The following SERPINF2 variants were observed in gnomAD, a reference collection of about 807,000 sequenced individuals.
The protein encoded by SERPINF2 is alpha-2-antiplasmin.
SERPINF2 carries 15 observed loss-of-function variants against 45.0 expected under a neutral mutation model. That is an observed-to-expected ratio of 0.33 (90% CI 0.22 to 0.51). The LOEUF (loss-of-function observed/expected upper bound fraction) is 0.51. SERPINF2 is among the 20% of genes least tolerant of loss of function. The pLI is 0.97. For missense variants in SERPINF2, 518 were observed against 637.4 expected (o/e 0.81, Z 2.02); for synonymous variants, 283 against 277.9 (o/e 1.02, Z -0.18).
rs1385619776 is a variant in SERPINF2 at position 1,754,569 on chromosome 17, G to T, written c.*35G>T. ...GCTGTGGCATCCAGAGTCCCTGCCT[G>T]GACCAGCCTCTCCACTCATGTGACT... On this transcript the variant is annotated 3_prime_UTR_variant, in exon 10 of 10. Coordinates refer to ENST00000453066, the MANE Select transcript of SERPINF2 (RefSeq NM_000934.4). 10 of 1,594,962 alleles carry T rather than the reference G, an allele frequency of 6.3e-6. No homozygotes were observed. Among genetic ancestry groups the T allele is most frequent in the Non-Finnish European group, 8.5e-6 (10 of 1,176,844 alleles).
Position 1,747,478 on chromosome 17 carries a change from C to T in SERPINF2, c.681C>T (p.Thr227=), listed in dbSNP as rs553862155. Residue 227 remains threonine, a synonymous_variant, in exon 7 of 10, where the codon ACC becomes ACT. Coordinates refer to ENST00000453066, the MANE Select transcript of SERPINF2 (RefSeq NM_000934.4). The stretch of plus-strand genomic sequence containing the variant: ...TCCTCTCTGGGCTGCCGGAAGACAC[C>T]GTGTTGCTTCTCCTCAACGCCATCC... ...QEFLSGLPED[T]VLLLLNAIHF... The T allele has an allele frequency of 6.2e-6, 10 of 1,614,088 alleles. No homozygotes were observed. The highest frequency in any genetic ancestry group is 2.7e-5 in the African/African-American group (2 of 75,072).
chr17:1,746,951 G>A lies in SERPINF2; in HGVS notation c.368-68G>A. The stretch of plus-strand genomic sequence containing the variant: ...GTCCTCGTCACGGGTATCCAGGAGG[G>A]ACTGGAGTGGGCAGTGGGGGTGAGA... On this transcript the variant is annotated intron_variant, in intron 5 of 9. Transcript: ENST00000453066. 9 of 1,573,328 alleles carry A rather than the reference G, an allele frequency of 5.7e-6. No individual in the cohort carries two copies. The South Asian group carries it at 1.0e-4, about 18-fold the overall frequency.
rs1413768669 is a variant in SERPINF2, at chr17:1,754,744, A to G, written c.*210A>G. On this transcript the variant is annotated 3_prime_UTR_variant, in exon 10 of 10. Transcript: ENST00000453066. ...TCGGGGAGCCGGGAGCCTGACCCTC[A>G]TCTTTCTTCCAAACAGGCTCAGAGG... The G allele has an allele frequency of 1.6e-6, 1 of 627,774 alleles. No homozygotes were observed. The highest frequency in any genetic ancestry group is 2.7e-6 in the Non-Finnish European group (1 of 369,934). 38.9% of individuals were successfully genotyped at this position (627,774 alleles called of 1,614,324 possible).
rs928202603 is a variant in SERPINF2 at position 1,748,479 on chromosome 17, G to T, written c.716-119G>T. Reference sequence around the variant, plus strand: ...TGTCTCATCCTTGAATGGATTCTGGGTGGGACAGGCAACGGGCTGGGGGTG... The same window carrying T: ...TGTCTCATCCTTGAATGGATTCTGGTTGGGACAGGCAACGGGCTGGGGGTG... On this transcript the variant is annotated intron_variant, in intron 7 of 9. Coordinates refer to ENST00000453066, the MANE Select transcript of SERPINF2 (RefSeq NM_000934.4). The T allele has an allele frequency of 4.6e-6, 6 of 1,306,232 alleles. No individual in the cohort carries two copies. In the African/African-American group the frequency reaches 8.7e-5, roughly 19 times the overall value. 80.9% of individuals were successfully genotyped at this position (1,306,232 alleles called of 1,614,324 possible).
chr17:1,752,514 C>A, intron 8 of SERPINF2, 72 bp from the exon 9 acceptor site: 1 of 1,389,514 alleles, frequency 7.2e-7, no homozygotes. Flanking sequence ...GCCTTAGGAG[C>A]ACCTGCTGGC....
At chr17:1,743,972 C>T (rs1416354296) in intron 1 of SERPINF2, among the ~76,000 whole-genome samples, 1 of 151,140 alleles carries the variant, frequency 6.6e-6, no homozygotes, top group Non-Finnish European at 1.5e-5. Flanking sequence ...TCTCGGCTCA[C>T]TGCAACCTCC....
In SERPINF2 at chr17:1,745,240, G is replaced by C. The variant is rs777059312; in HGVS notation, c.102+27G>C. ...TACTGGGGAGTGAGGAGCCTGTGAT[G>C]GGGGGAAGGTCCCGGGGGTCTCACT... On this transcript the variant is annotated intron_variant, in intron 3 of 9. Transcript: ENST00000453066. This position sits in a 1 kb window ranked among gnomAD's most constrained non-coding sequence, Gnocchi z 6.2. The C allele has an allele frequency of 1.9e-6, 3 of 1,582,436 alleles. No homozygotes were observed. Among genetic ancestry groups the C allele is most frequent in the Non-Finnish European group, 2.6e-6 (3 of 1,164,848 alleles).
At chr17:1,752,308 G>A (rs572467679) in intron 8 of SERPINF2, among the ~76,000 whole-genome samples, 6 of 152,212 alleles carry the variant, frequency 3.9e-5, no homozygotes, top group African/African-American at 1.2e-4. Context: ...TGCCTGCCTC[G>A]GCCTCCCAAA....
intron 5 of SERPINF2, 78 bp from the exon 6 acceptor site, chr17:1,746,941 A>G (rs1274453535): frequency 3.2e-6 from 5 of 1,551,798 alleles, no homozygotes; most frequent in African/African-American, 1.3e-5. Context: ...CGTCACGGGT[A>G]TCCAGGAGGG....
In SERPINF2 at chr17:1,754,661, C is replaced by A; in HGVS notation, c.*127C>A. ...CAGTCTGAGAGAGGCCATTCTTTCC[C>A]AACACCTCTTGGGGAGTTTAGGGTG... On this transcript the variant is annotated 3_prime_UTR_variant, in exon 10 of 10. Transcript: ENST00000453066. 2.2e-6 allele frequency: 2 copies of A among 911,742 alleles called. No individual in the cohort carries two copies. Among genetic ancestry groups the A allele is most frequent in the Non-Finnish European group, 3.2e-6 (2 of 632,490 alleles). The allele number at this position is 911,742 out of a possible 1,614,324, so 56.5% of individuals were successfully genotyped here.
chr17:1,743,974 G>T (rs1319157435), intron 1 of SERPINF2, among the ~76,000 whole-genome samples: 1 of 150,478 alleles, frequency 6.6e-6, no homozygotes, highest in Non-Finnish European at 1.5e-5. Flanking sequence ...TCGGCTCACT[G>T]CAACCTCCGC....
rs1905618177 is a variant in SERPINF2, at chr17:1,744,571, T to A, written c.-4-421T>A. ...CATGCATGTGAGAAGAGTGAGGGAC[T>A]TGTGCCACCGTTTTACAAGGTAAGG... On this transcript the variant is annotated intron_variant, in intron 1 of 9. Coordinates refer to ENST00000453066, the MANE Select transcript of SERPINF2 (RefSeq NM_000934.4). 6.1e-6 allele frequency: 6 copies of A among 985,288 alleles called. No individual in the cohort carries two copies. The South Asian group carries it at 2.3e-4, about 39-fold the overall frequency. 61.0% of individuals were successfully genotyped at this position (985,288 alleles called of 1,614,324 possible). A position where few individuals can be genotyped will look rare whatever the true frequency, so the allele number is the denominator to read the frequency against.
intron 8 of SERPINF2, 53 bp from the exon 9 acceptor site, chr17:1,752,533 C>A: frequency 1.3e-6 from 2 of 1,558,486 alleles, no homozygotes; most frequent in Admixed American, 1.7e-5. Context: ...GCCCCACCCC[C>A]ACTTAGCTTC....
intron 8 of SERPINF2, among the ~76,000 whole-genome samples, chr17:1,749,707 G>C (rs1392922775): frequency 6.6e-6 from 1 of 152,058 alleles, no homozygotes; most frequent in Non-Finnish European, 1.5e-5. Context: ...GCCTTATTTA[G>C]GCATTTTAGA....
At position 1,747,365 on chromosome 17, in the gene SERPINF2, C is replaced by T. The variant is rs774362776; in HGVS notation, c.568C>T (p.Pro190Ser). The change falls in exon 7 of 10, where the codon CCC (proline) becomes TCC (serine). Residue 190 changes from proline (P) to serine (S), a missense_variant. By Grantham distance (74) the Pro-to-Ser change is moderately conservative (BLOSUM62 -1). Coordinates refer to ENST00000453066, the MANE Select transcript of SERPINF2 (RefSeq NM_000934.4). ...EQSEQLFGAK[P>S]VSLTGKQEDD... ...ATCCGAACAGCTATTTGGGGCAAAG[C>T]CCGTGAGCCTGACGGGAAAGCAGGA... 5 of 1,614,034 alleles carry T rather than the reference C, an allele frequency of 3.1e-6. No individual in the cohort carries two copies. In the African/African-American group the frequency reaches 5.3e-5, roughly 17 times the overall value.
Position 1,754,792 on chromosome 17 carries a change from C to G in SERPINF2, c.*258C>G, listed in dbSNP as rs184228093. The G allele has an allele frequency of 1.9e-6, 1 of 539,266 alleles. No individual in the cohort carries two copies. The highest frequency in any genetic ancestry group is 3.2e-6 in the Non-Finnish European group (1 of 309,860). 33.4% of individuals were successfully genotyped at this position (539,266 alleles called of 1,614,324 possible). A position where few individuals can be genotyped will look rare whatever the true frequency, so the allele number is the denominator to read the frequency against. On this transcript the variant is annotated 3_prime_UTR_variant, in exon 10 of 10. Coordinates refer to ENST00000453066, the MANE Select transcript of SERPINF2 (RefSeq NM_000934.4). ...AGGGTGTCCTGCACCGGGGCCTGGG[C>G]AGGAGGGAGGTGCTTCTAGTTCTGC...
intron 1 of SERPINF2, among the ~76,000 whole-genome samples, chr17:1,744,122 C>T (rs559989643): frequency 8.0e-4 from 121 of 151,336 alleles, no homozygotes; most frequent in South Asian, 6.7e-3. Context: ...CTTGAACTCC[C>T]GACCTCAGGT....
rs758726925 is a variant in SERPINF2 at position 1,752,663 on chromosome 17, G to C, written c.936G>C (p.Gln312His). 6.2e-7 allele frequency: 1 copy of C among 1,614,192 alleles called. No individual in the cohort carries two copies. The highest frequency in any genetic ancestry group is 1.7e-5 in the Admixed American group (1 of 60,016). The change falls in exon 9 of 10, where the codon CAG becomes CAC. Residue 312 changes from glutamine (Q) to histidine (H), a missense_variant. Transcript: ENST00000453066. ...VPTHFEWNVS[Q>H]VLANLSWDTL... The stretch of plus-strand genomic sequence containing the variant: ...CCCACTTTGAATGGAACGTGTCCCA[G>C]GTACTGGCCAACCTGAGTTGGGACA...
chr17:1,754,926 T>G lies in SERPINF2; in HGVS notation c.*392T>G. 7.6e-6 allele frequency: 2 copies of G among 262,800 alleles called. No homozygotes were observed. Among genetic ancestry groups the G allele is most frequent in the South Asian group, 7.0e-5 (1 of 14,328 alleles). 16.3% of individuals were successfully genotyped at this position (262,800 alleles called of 1,614,324 possible). A position where few individuals can be genotyped will look rare whatever the true frequency, so the allele number is the denominator to read the frequency against. ...GCCTTTGGACTTGTCCCGGGACACC[T>G]AGGCTAGGGTGGGGAGAGACGGGCC... On this transcript the variant is annotated 3_prime_UTR_variant, in exon 10 of 10. Coordinates refer to ENST00000453066, the MANE Select transcript of SERPINF2 (RefSeq NM_000934.4).
Sources: gnomAD v4.1 joint callset for allele counts (sites outside exome capture counted in the v4.1 genomes callset) on GRCh38, gnomAD v4.1.1 for gene constraint, Gnocchi (gnomAD v3.1) non-coding constraint, MANE v1.5 for transcripts, NCBI Gene and HGNC (gene_info 2026-07-23, HGNC 2026-07-21) for gene names.